The following RIMBP2 variants were observed in gnomAD, a reference collection of about 807,000 sequenced individuals.
RIMBP2 encodes RIMS-binding protein 2.
A neutral mutation model predicts 118.6 loss-of-function variants in RIMBP2; 48 were observed. The observed-to-expected ratio is 0.40, with a 90% confidence interval of 0.32 to 0.51. The LOEUF is 0.51. RIMBP2 is among the 20% of genes least tolerant of loss of function. The probability of loss-of-function intolerance (pLI) is 0.41; values close to 1 mark genes in which losing one functional copy is unlikely to be tolerated. For synonymous variants in RIMBP2, 762 were observed against 742.9 expected, an observed-to-expected ratio of 1.03 and a Z score of -0.42; for missense variants, 1,551 against 1,768.3, an observed-to-expected ratio of 0.88 and a Z score of 2.20.
Position 130,434,453 on chromosome 12 carries a change from C to A in RIMBP2, c.2253+281G>T, listed in dbSNP as rs537583291. Among the ~76,000 whole-genome samples the A allele has an allele frequency of 2.0e-5, 3 of 152,290 alleles. No individual in the cohort carries two copies. The highest frequency in any genetic ancestry group is 6.5e-5 in the Admixed American group (1 of 15,296). On this transcript the variant is annotated intron_variant, in intron 14 of 22. Coordinates refer to ENST00000690449, the MANE Select transcript of RIMBP2 (RefSeq NM_001393629.1). This position sits in a 1 kb window ranked among gnomAD's most constrained non-coding sequence, Gnocchi z 5.7. Reference sequence around the variant, plus strand: ...TGAACTGAGCCTAACCCTACCCGGACCTGCAAAACCACCCCTATGACCGAA... The same window carrying A: ...TGAACTGAGCCTAACCCTACCCGGAACTGCAAAACCACCCCTATGACCGAA...
chr12:130,706,587 CA>C (rs1244775822), intron 1 of RIMBP2, among the ~76,000 whole-genome samples: 1 of 152,250 alleles, frequency 6.6e-6, no homozygotes, highest in African/African-American at 2.4e-5. Flanking sequence ...GCGTAGTGGC[CA>C]GGGGCAGGCG....
chr12:130,568,523 G>A (rs368908590), intron 2 of RIMBP2, among the ~76,000 whole-genome samples: 12 of 152,172 alleles, frequency 7.9e-5, no homozygotes, highest in Admixed American at 3.3e-4. Context: ...TTCTAATTTC[G>A]GGTTGACAAT....
At chr12:130,499,280 C>A (rs976020525) in intron 4 of RIMBP2, among the ~76,000 whole-genome samples, 4 of 152,178 alleles carry the variant, frequency 2.6e-5, no homozygotes, top group African/African-American at 9.7e-5. Flanking sequence ...TGGGTGGGGA[C>A]ATAGAGCCAA....
At chr12:130,401,184 C>T (rs975567574) in intron 21 of RIMBP2, among the ~76,000 whole-genome samples, 4 of 152,014 alleles carry the variant, frequency 2.6e-5, no homozygotes, top group East Asian at 1.9e-4. Flanking sequence ...AGCGTGATCT[C>T]GGCTCACTGC....
intron 21 of RIMBP2, among the ~76,000 whole-genome samples, chr12:130,402,699 A>T (rs1272863466): frequency 6.6e-6 from 1 of 152,182 alleles, no homozygotes; most frequent in African/African-American, 2.4e-5. Context: ...ACAGAATGGG[A>T]ATAGGCTGAA....
chr12:130,706,378 G>A (rs185583967), intron 1 of RIMBP2, among the ~76,000 whole-genome samples: 23 of 152,368 alleles, frequency 1.5e-4, no homozygotes, highest in African/African-American at 5.5e-4. Context: ...GCGCAGAGAG[G>A]TTCAGAAGAG....
At chr12:130,626,650 CCATCACCATGACTACCAGT>C (rs1297024748) in intron 2 of RIMBP2, among the ~76,000 whole-genome samples, 1 of 151,034 alleles carries the variant, frequency 6.6e-6, no homozygotes, top group African/African-American at 2.4e-5. Context: ...ACAATCTCCT[CCATCACCATGACTACCAGT>C]CATCACCATC....
At chr12:130,587,843 G>A (rs180861986) in intron 2 of RIMBP2, among the ~76,000 whole-genome samples, 35 of 135,748 alleles carry the variant, frequency 2.6e-4, no homozygotes, top group African/African-American at 5.3e-4. Context: ...AAAAAAAAAA[G>A]AAAAAAAAAA....
chr12:130,427,639 CA>C (rs2136863444), intron 15 of RIMBP2: 2 of 152,554 alleles, frequency 1.3e-5, no homozygotes, highest in South Asian at 4.1e-4. Context: ...GTGGTCTGAG[CA>C]GGTGCATGGA....
chr12:130,543,676 C>T (rs528660421), intron 2 of RIMBP2, among the ~76,000 whole-genome samples: 2 of 151,940 alleles, frequency 1.3e-5, no homozygotes, highest in South Asian at 4.2e-4. Flanking sequence ...TCCCCCAGTT[C>T]TACAGGAACC....
In RIMBP2 at chr12:130,486,385, T is replaced by C. The variant is rs539751513; in HGVS notation, c.-3-7369A>G. Among the ~76,000 whole-genome samples, 177 of 152,264 alleles carry C rather than the reference T, an allele frequency of 1.2e-3. 1 individual carries two copies. The highest frequency in any genetic ancestry group is 2.0e-3 in the Non-Finnish European group (133 of 68,018). On this transcript the variant is annotated intron_variant, in intron 4 of 22. Coordinates refer to ENST00000690449, the MANE Select transcript of RIMBP2 (RefSeq NM_001393629.1). ...CCTGGAGGGGCCACGGCTCTATTTA[T>C]ACCATTCCTTAGGTGATCTTAGCCA...
At chr12:130,470,508 C>T (rs2080913576) in intron 6 of RIMBP2, 185 bp downstream of exon 6, 4 of 395,236 alleles carry the variant, frequency 1.0e-5, no homozygotes, top group Non-Finnish European at 1.8e-5. Context: ...TAAGAACGGA[C>T]CTGGTCCTGG....
chr12:130,453,388 C>A (rs1022858478), intron 7 of RIMBP2, among the ~76,000 whole-genome samples: 1 of 152,250 alleles, frequency 6.6e-6, no homozygotes, highest in Admixed American at 6.5e-5. Flanking sequence ...CTCTGTCTTG[C>A]GGCCAGCCCT....
chr12:130,699,923 A>AG (rs1555326330), intron 1 of RIMBP2, among the ~76,000 whole-genome samples: 13 of 147,190 alleles, frequency 8.8e-5, no homozygotes, highest in Non-Finnish European at 5.9e-5. Flanking sequence ...AAAAAAAAAA[A>AG]AAAAAAGAAA....
At chr12:130,680,994 C>G (rs2064756509) in intron 1 of RIMBP2, among the ~76,000 whole-genome samples, 1 of 152,226 alleles carries the variant, frequency 6.6e-6, no homozygotes, top group South Asian at 2.1e-4. Flanking sequence ...GTAGCATCTA[C>G]AGGGCATTCT....
intron 4 of RIMBP2, among the ~76,000 whole-genome samples, chr12:130,496,878 G>C (rs2049221656): frequency 6.6e-6 from 1 of 152,182 alleles, no homozygotes; most frequent in African/African-American, 2.4e-5. Context: ...ATGTCACTGA[G>C]CAGAGTACAG....
At chr12:130,409,614 AT>A (rs2075528498) in intron 19 of RIMBP2, among the ~76,000 whole-genome samples, 1 of 152,092 alleles carries the variant, frequency 6.6e-6, no homozygotes, top group Non-Finnish European at 1.5e-5. Context: ...AAGTGCTGGG[AT>A]TACAGGCGTG....
rs542572843 is a variant in RIMBP2, at chr12:130,597,267, G to A, written c.-217+31055C>T. On this transcript the variant is annotated intron_variant, in intron 2 of 22. Coordinates refer to ENST00000690449, the MANE Select transcript of RIMBP2 (RefSeq NM_001393629.1). ...TTATTTATTTATTTATTTTTGAGAC[G>A]GAGTCTCGCTCTGTCTCCCAGGCTG... Among the ~76,000 whole-genome samples the A allele has an allele frequency of 3.9e-4, 60 of 152,208 alleles. No individual in the cohort carries two copies. In the South Asian group the frequency reaches 4.6e-3, roughly 12 times the overall value.
chr12:130,556,339 G>A (rs976996693), intron 2 of RIMBP2, among the ~76,000 whole-genome samples: 1 of 152,176 alleles, frequency 6.6e-6, no homozygotes, highest in Admixed American at 6.5e-5. Context: ...TGAAGCCCTA[G>A]AGACCGATGA....
Sources: gnomAD v4.1 joint callset for allele counts (sites outside exome capture counted in the v4.1 genomes callset) on GRCh38, gnomAD v4.1.1 for gene constraint, Gnocchi (gnomAD v3.1) non-coding constraint, MANE v1.5 for transcripts, NCBI Gene and HGNC (gene_info 2026-07-23, HGNC 2026-07-21) for gene names.